STOX2: variants seen among roughly 807,000 people sequenced by gnomAD.
STOX2 encodes storkhead box 2, also known as storkhead-box protein 2.
In STOX2, 28 loss-of-function variants were observed where a neutral mutation model predicts 60.9. That is an observed-to-expected ratio of 0.46 (90% CI 0.34 to 0.63). The LOEUF (loss-of-function observed/expected upper bound fraction) is 0.63, where lower values mean the gene tolerates loss of function less well. Among genes scored for constraint, STOX2 ranks in the 30% least tolerant of loss-of-function variants. The pLI, the probability that STOX2 is intolerant of heterozygous loss-of-function variation, is 0.01. For synonymous variants in STOX2, 472 were observed against 463.9 expected (o/e 1.02, Z -0.22); for missense variants, 1,024 against 1,187.7 (o/e 0.86, Z 2.03).
At chr4:183,809,616 C>A (rs1738991536) in intron 1 of STOX2, among the ~76,000 whole-genome samples, 1 of 152,140 alleles carries the variant, frequency 6.6e-6, no homozygotes, top group South Asian at 2.1e-4. Flanking sequence ...CCAGGATGGT[C>A]TCGATTTCCT....
chr4:183,991,063 A>G (rs1733085337), intron 1 of STOX2, among the ~76,000 whole-genome samples: 1 of 152,152 alleles, frequency 6.6e-6, no homozygotes, highest in South Asian at 2.1e-4. Flanking sequence ...TCCCTTTCTT[A>G]GGTAATGGAT....
intron 2 of STOX2, among the ~76,000 whole-genome samples, chr4:184,004,091 T>C (rs1733711513): frequency 6.6e-6 from 1 of 152,202 alleles, no homozygotes; most frequent in East Asian, 1.9e-4. Context: ...AGATCATATT[T>C]ATATTTTTTG....
In STOX2 at chr4:184,010,571, C is replaced by T. The variant is rs765966907; in HGVS notation, c.1733C>T (p.Pro578Leu). 59 of 1,613,820 alleles carry T rather than the reference C, an allele frequency of 3.7e-5. No individual in the cohort carries two copies. Among genetic ancestry groups the T allele is most frequent in the Middle Eastern group, 1.6e-4 (1 of 6,084 alleles). The stretch of plus-strand genomic sequence containing the variant: ...TGCAGCCTTTTGGAGCCAGGAAAAC[C>T]ACCCGAGAGTTTGCCATCCTATGGC... ...SACSLLEPGKPPESLPSYGEL... is the reference protein window; with the variant it reads ...SACSLLEPGKLPESLPSYGEL... Residue 578 changes from proline (P) to leucine (L), a missense_variant, in exon 3 of 4, where the codon CCA becomes CTA. Around this residue, in one of 3 missense-constraint regions of STOX2, gnomAD observed 922 missense variants for 1,058.3 expected, o/e 0.87. Coordinates refer to ENST00000308497, the MANE Select transcript of STOX2 (RefSeq NM_020225.3). The surrounding 1 kb of genome is among the most constrained non-coding windows in gnomAD (Gnocchi z 4.5).
rs1052351434 is a variant in STOX2, at chr4:184,021,011, C to T, written c.*3727C>T. ...ACTCTACCCAGGATAAACCACTTAT[C>T]ACCACCAAGTGTACTTGAAAATAAA... On this transcript the variant is annotated 3_prime_UTR_variant, in exon 4 of 4. Coordinates refer to ENST00000308497, the MANE Select transcript of STOX2 (RefSeq NM_020225.3). 1.3e-5 allele frequency: 2 copies of T among 152,246 alleles called. No individual in the cohort carries two copies. Among genetic ancestry groups the T allele is most frequent in the South Asian group, 4.1e-4 (2 of 4,834 alleles). The allele number at this position is 152,246 out of a possible 1,614,324, so 9.4% of individuals were successfully genotyped here.
chr4:183,939,221 C>T (rs1362592448), intron 1 of STOX2, among the ~76,000 whole-genome samples: 1 of 152,204 alleles, frequency 6.6e-6, no homozygotes, highest in East Asian at 1.9e-4. Context: ...GAAGTGTATT[C>T]TCTCACAGTT....
chr4:183,891,163 G>T (rs1445353814), intron 1 of STOX2, among the ~76,000 whole-genome samples: 1 of 151,796 alleles, frequency 6.6e-6, no homozygotes, highest in Non-Finnish European at 1.5e-5. Context: ...CTGTCTAGGG[G>T]TTAACCACCT....
At chr4:183,958,258 G>C (rs569238233) in intron 1 of STOX2, among the ~76,000 whole-genome samples, 2 of 152,288 alleles carry the variant, frequency 1.3e-5, no homozygotes, top group South Asian at 4.1e-4. Flanking sequence ...TGCCTCCTGA[G>C]CTTTTCAGTG....
At chr4:183,886,742 G>A (rs972935068) in intron 1 of STOX2, among the ~76,000 whole-genome samples, 1 of 151,964 alleles carries the variant, frequency 6.6e-6, no homozygotes. Flanking sequence ...TTTTCTTTTT[G>A]AACAGCCATT....
Position 184,009,139 on chromosome 4 carries a change from T to G in STOX2, c.320-19T>G. ...TCTGTCTTCATTCTCACAAGTGGTT[T>G]TTTTTTTTTTTTTTTCAGGTGTTCC... On this transcript the variant is annotated intron_variant, in intron 2 of 3. Coordinates refer to ENST00000308497, the MANE Select transcript of STOX2 (RefSeq NM_020225.3). The surrounding 1 kb of genome is among the most constrained non-coding windows in gnomAD (Gnocchi z 4.0). 7.4e-7 allele frequency: 1 copy of G among 1,351,224 alleles called. No homozygotes were observed. Among genetic ancestry groups the G allele is most frequent in the Non-Finnish European group, 9.8e-7 (1 of 1,017,240 alleles). The allele number at this position is 1,351,224 out of a possible 1,614,324, so 83.7% of individuals were successfully genotyped here. A position where few individuals can be genotyped will look rare whatever the true frequency, so the allele number is the denominator to read the frequency against.
chr4:183,833,765 G>A (rs867265670), intron 1 of STOX2, among the ~76,000 whole-genome samples: 58 of 148,172 alleles, frequency 3.9e-4, no homozygotes, highest in African/African-American at 1.3e-3. Context: ...GGCGGATCAC[G>A]AGGTCAGGAG....
chr4:183,895,235 G>A (rs376814606), intron 1 of STOX2, among the ~76,000 whole-genome samples: 2 of 152,102 alleles, frequency 1.3e-5, no homozygotes, highest in Non-Finnish European at 2.9e-5. Context: ...TCAATAAATT[G>A]TCAAGTCCTA....
chr4:183,863,141 A>G (rs1356145464), intron 1 of STOX2, among the ~76,000 whole-genome samples: 1 of 152,180 alleles, frequency 6.6e-6, no homozygotes, highest in Non-Finnish European at 1.5e-5. Flanking sequence ...AGGACTCATG[A>G]AAGAAGCGGT....
chr4:183,887,295 C>G (rs1741106627), intron 1 of STOX2, among the ~76,000 whole-genome samples: 1 of 152,110 alleles, frequency 6.6e-6, no homozygotes, highest in African/African-American at 2.4e-5. Context: ...GTACTTCTTC[C>G]CTGTACAGGG....
At chr4:183,940,653 T>C (rs564829827) in intron 1 of STOX2, among the ~76,000 whole-genome samples, 25 of 152,362 alleles carry the variant, frequency 1.6e-4, no homozygotes, top group Non-Finnish European at 3.1e-4. Flanking sequence ...GATCACTTGA[T>C]GTTTGACAGA....
intron 1 of STOX2, among the ~76,000 whole-genome samples, chr4:183,945,530 T>G (rs1172983545): frequency 1.3e-5 from 2 of 152,218 alleles, no homozygotes; most frequent in African/African-American, 4.8e-5. Context: ...CTCAAGATGG[T>G]TTTGCTGGGT....
In STOX2 at chr4:183,920,527, G is replaced by A. The variant is rs529002801; in HGVS notation, c.166+13571G>A. Among the ~76,000 whole-genome samples the A allele has an allele frequency of 1.4e-4, 22 of 152,226 alleles. No individual in the cohort carries two copies. In the East Asian group the frequency reaches 3.7e-3, roughly 25 times the overall value. ...CTGTAATGAGAGAGCAGATTTTAGG[G>A]CTCCTTGCATATTCTAACAAGTCTA... is the stretch of plus-strand genomic sequence containing the variant. On this transcript the variant is annotated intron_variant, in intron 1 of 3. Transcript: ENST00000308497.
chr4:183,924,874 G>A (rs557500873), intron 1 of STOX2, among the ~76,000 whole-genome samples: 1 of 152,154 alleles, frequency 6.6e-6, no homozygotes, highest in Non-Finnish European at 1.5e-5. Context: ...AGCTGTGCTG[G>A]CGTCAGAAGG....
At chr4:183,838,006 G>C (rs1311884859) in intron 1 of STOX2, among the ~76,000 whole-genome samples, 2 of 151,766 alleles carry the variant, frequency 1.3e-5, no homozygotes, top group Non-Finnish European at 2.9e-5. Context: ...TATTCATTGT[G>C]GATTAGTTAG....
chr4:183,906,826 C>T lies in STOX2; in HGVS notation c.36C>T (p.Ala12=). The T allele has an allele frequency of 6.4e-7, 1 of 1,557,546 alleles. No individual in the cohort carries two copies. Residue 12 remains alanine (A), a synonymous_variant, in exon 1 of 4, where the codon GCC becomes GCT. Coordinates refer to ENST00000308497, the MANE Select transcript of STOX2 (RefSeq NM_020225.3). The part of the protein sequence containing the change: ...KKTRSTTLRR[A]WPSSDFSDRA... Reference sequence around the variant, plus strand: ...CCCGGAGCACAACCTTGCGGCGAGCCTGGCCTAGCTCGGATTTCTCGGACC... The same window carrying T: ...CCCGGAGCACAACCTTGCGGCGAGCTTGGCCTAGCTCGGATTTCTCGGACC...
Sources: allele counts gnomAD v4.1 joint callset (sites outside exome capture counted in the v4.1 genomes callset), GRCh38; gene constraint gnomAD v4.1.1; regional missense constraint gnomAD v4.1.1; non-coding constraint Gnocchi (gnomAD v3.1); transcripts MANE v1.5; gene names NCBI Gene and HGNC (gene_info 2026-07-23, HGNC 2026-07-21).